Variants in CYP4F22 observed in about 807,000 individuals in gnomAD.
The protein encoded by CYP4F22 is cytochrome P450 family 4 subfamily F member 22.
In CYP4F22, 37 loss-of-function variants were observed where a neutral mutation model predicts 60.4. The observed-to-expected ratio is 0.61, with a 90% CI of 0.47 to 0.81. The LOEUF (loss-of-function observed/expected upper bound fraction) is 0.81, where lower values mean the gene tolerates loss of function less well. Ranked by LOEUF, CYP4F22 falls within the 30% of genes least tolerant of loss-of-function variation. CYP4F22 has a pLI of 0.00. For missense variants in CYP4F22, 655 were observed against 715.0 expected, an observed-to-expected ratio of 0.92 and a Z score of 0.96; for synonymous variants, 258 against 280.5, an observed-to-expected ratio of 0.92 and a Z score of 0.80.
intron 7 of CYP4F22, 146 bp from the exon 8 acceptor site, chr19:15,540,303 AT>A: frequency 1.0e-6 from 1 of 990,316 alleles, no homozygotes; most frequent in Non-Finnish European, 1.5e-6. Context: ...ATCTAAAAAA[AT>A]AAATAAATGA....
intron 2 of CYP4F22, among the ~76,000 whole-genome samples, chr19:15,524,850 AAAAG>A (rs1415246844): frequency 6.6e-6 from 1 of 152,160 alleles, no homozygotes; most frequent in Non-Finnish European, 1.5e-5. Flanking sequence ...AAGAAAAAGA[AAAAG>A]AAAGAGGGGG....
intron 8 of CYP4F22, 87 bp downstream of exon 8, chr19:15,540,804 A>G: frequency 6.5e-7 from 1 of 1,542,708 alleles, no homozygotes; most frequent in Non-Finnish European, 8.9e-7. Context: ...TTAAAACTCC[A>G]TTAGGCGTGG....
In CYP4F22 at chr19:15,520,361, AC is replaced by A. The variant is rs200841271; in HGVS notation, c.-108-3331del. On this transcript the variant is annotated intron_variant, in intron 1 of 13. Coordinates refer to ENST00000269703, the MANE Select transcript of CYP4F22 (RefSeq NM_173483.4). ...CCTCCATCTCAAAAAAAAAAAAAAAACAAAAACTAAAAAAAGAAAGTCTCTT... is the reference window on the plus strand; with the variant it reads ...CCTCCATCTCAAAAAAAAAAAAAAAAAAAAACTAAAAAAAGAAAGTCTCTT... 3.1e-3 allele frequency among the ~76,000 whole-genome samples: 460 copies of A among 148,312 alleles called. 8 individuals are homozygous for A. Among genetic ancestry groups the A allele is most frequent in the African/African-American group, 0.01 (405 of 40,430 alleles).
intron 1 of CYP4F22, chr19:15,515,993 G>A (rs2144499224): frequency 6.6e-6 from 1 of 152,266 alleles, no homozygotes; most frequent in East Asian, 2.0e-4. Context: ...AAAGTGCTGG[G>A]ATTACAGGCA....
chr19:15,537,214 C>T (rs1293765952), intron 4 of CYP4F22, 147 bp from the exon 5 acceptor site: 2 of 1,018,154 alleles, frequency 2.0e-6, no homozygotes, highest in Admixed American at 2.0e-5. Context: ...GGCAGGAAAA[C>T]TGCTTGAACC....
Position 15,520,763 on chromosome 19 carries a change from T to G in CYP4F22, c.-108-2930T>G, listed in dbSNP as rs539653251. 4.7e-5 allele frequency among the ~76,000 whole-genome samples: 7 copies of G among 147,428 alleles called. No individual in the cohort carries two copies. The East Asian group carries it at 1.0e-3, about 21-fold the overall frequency. ...CTGCCATGCCCTGCTAATATTTTGT[T>G]TTGTTTTTTTGTTTTTTTTTTTTGA... On this transcript the variant is annotated intron_variant, in intron 1 of 13. Transcript: ENST00000269703.
intron 1 of CYP4F22, among the ~76,000 whole-genome samples, chr19:15,511,990 G>A (rs1167228359): frequency 3.3e-5 from 5 of 152,198 alleles, no homozygotes; most frequent in Non-Finnish European, 7.3e-5. Context: ...GGATGAGATC[G>A]GGGGCCGGTG....
chr19:15,549,476 A>C lies in CYP4F22; in HGVS notation c.1335+274A>C, dbSNP rs914333519. 6.6e-5 allele frequency among the ~76,000 whole-genome samples: 10 copies of C among 151,898 alleles called. 1 individual carries two copies. Among genetic ancestry groups the C allele is most frequent in the Non-Finnish European group, 1.5e-4 (10 of 68,032 alleles). On this transcript the variant is annotated intron_variant, in intron 12 of 13. Transcript: ENST00000269703. ...TCACAGTGAAGTTTTGGGGAAGACAATAAGCAAATAAATAAGATTTTGGGT... is the reference window on the plus strand; with the variant it reads ...TCACAGTGAAGTTTTGGGGAAGACACTAAGCAAATAAATAAGATTTTGGGT...
At chr19:15,545,601 A>G (rs1021559838) in intron 10 of CYP4F22, among the ~76,000 whole-genome samples, 32 of 142,560 alleles carry the variant, frequency 2.2e-4, no homozygotes, top group Middle Eastern at 3.7e-3. Context: ...GTGAGTCAAG[A>G]TTACGCCACT....
intron 3 of CYP4F22, among the ~76,000 whole-genome samples, chr19:15,526,783 T>C (rs73512641): frequency 0.068 from 10,274 of 150,154 alleles, 679 homozygotes; most frequent in African/African-American, 0.17. Flanking sequence ...CTTTCTCTGC[T>C]ACCTAGGCTA....
intron 1 of CYP4F22, among the ~76,000 whole-genome samples, chr19:15,523,240 A>G (rs917130812): frequency 2.0e-5 from 3 of 151,934 alleles, no homozygotes; most frequent in African/African-American, 7.2e-5. Flanking sequence ...GGTGCCTGTA[A>G]CCCCAGCTAC....
intron 10 of CYP4F22, among the ~76,000 whole-genome samples, chr19:15,546,917 C>T (rs1194357040): frequency 6.6e-6 from 1 of 151,094 alleles, no homozygotes; most frequent in African/African-American, 2.4e-5. Flanking sequence ...CTCTTTGTTG[C>T]CCAGGCTGGT....
chr19:15,551,415 C>T lies in CYP4F22; in HGVS notation c.1540C>T (p.Leu514=). The T allele has an allele frequency of 6.3e-7, 1 of 1,597,836 alleles. No individual in the cohort carries two copies. The change falls in exon 14 of 14, where the codon CTG becomes TTG. Residue 514 remains leucine, a synonymous_variant. Transcript: ENST00000269703. ...GGTGCGGCGGAAGCCGGAGCTCATA[C>T]TGCGCACGGAGAACGGGCTCTGGCT... ...RKVRRKPELI[L]RTENGLWLKV...
At chr19:15,538,765 A>G (rs1298063133) in intron 7 of CYP4F22, among the ~76,000 whole-genome samples, 1 of 152,220 alleles carries the variant, frequency 6.6e-6, no homozygotes, top group Non-Finnish European at 1.5e-5. Flanking sequence ...AAATTAAATA[A>G]TTAATTCATC....
chr19:15,532,115 A>T (rs1038302733), intron 4 of CYP4F22, among the ~76,000 whole-genome samples: 7 of 133,204 alleles, frequency 5.3e-5, no homozygotes, highest in East Asian at 1.9e-4. Flanking sequence ...TAAAAAAATT[A>T]AAAAAAAAAT....
chr19:15,547,992 AGAGGGAGAGAGTGTGTGTGTGTGTGT>A lies in CYP4F22; in HGVS notation c.1137-114_1137-89del, dbSNP rs1375583995. 3.0e-4 allele frequency: 154 copies of A among 506,106 alleles called. 6 individuals carry two copies. Among genetic ancestry groups the A allele is most frequent in the East Asian group, 4.0e-4 (5 of 12,450 alleles). The allele number at this position is 506,106 out of a possible 1,614,324, so 31.4% of individuals were successfully genotyped here. A position where few individuals can be genotyped will look rare whatever the true frequency, so the allele number is the denominator to read the frequency against. ...CTGAGAGAGAGAGAGAGAGAGAGAG[AGAGGGAGAGAGTGTGTGTGTGTGTGT>A]GTGTGTGTGTGTGTGTGTGTGTGTG... On this transcript the variant is annotated intron_variant, in intron 10 of 13. Coordinates refer to ENST00000269703, the MANE Select transcript of CYP4F22 (RefSeq NM_173483.4).
intron 1 of CYP4F22, chr19:15,516,593 A>AT (rs1971157480): frequency 3.6e-6 from 1 of 274,170 alleles, no homozygotes; most frequent in Non-Finnish European, 7.1e-6. Context: ...CTGAATGCTG[A>AT]TTTTTACTTG....
Position 15,549,170 on chromosome 19 carries a change from CACCACA to C in CYP4F22, c.1307_1312del (p.His436_Asn437del). On this transcript the variant is annotated inframe_deletion, in exon 12 of 14. Coordinates refer to ENST00000269703, the MANE Select transcript of CYP4F22 (RefSeq NM_173483.4). The stretch of plus-strand genomic sequence containing the variant: ...CTGCTTGGTCAGCATCTATGGAACC[CACCACA>C]ACCCCACAGTGTGGCCTGACTCCAA... The C allele has an allele frequency of 6.2e-7, 1 of 1,614,024 alleles. No individual in the cohort carries two copies. Among genetic ancestry groups the C allele is most frequent in the Non-Finnish European group, 8.5e-7 (1 of 1,180,006 alleles).
chr19:15,522,341 C>T (rs1971236045), intron 1 of CYP4F22, among the ~76,000 whole-genome samples: 1 of 151,892 alleles, frequency 6.6e-6, no homozygotes, highest in African/African-American at 2.4e-5. Flanking sequence ...TGATGATGAC[C>T]CACCCAGCTG....
Sources: gnomAD v4.1 joint callset for allele counts (sites outside exome capture counted in the v4.1 genomes callset) on GRCh38, gnomAD v4.1.1 for gene constraint, MANE v1.5 for transcripts, NCBI Gene and HGNC (gene_info 2026-07-23, HGNC 2026-07-21) for gene names.